Variants in CTNNA2 observed in about 807,000 individuals in gnomAD.
The protein encoded by CTNNA2 is catenin alpha-2.
CTNNA2 carries 42 observed loss-of-function variants against 101.0 expected under a neutral mutation model. That is an observed-to-expected ratio of 0.42 (90% CI 0.32 to 0.54). The LOEUF is 0.54. Ranked by LOEUF, CTNNA2 falls within the 20% of genes least tolerant of loss-of-function variation. The probability of loss-of-function intolerance (pLI) is 0.14; values close to 1 mark genes in which losing one functional copy is unlikely to be tolerated. For missense variants in CTNNA2, 871 were observed against 1,223.1 expected (o/e 0.71, Z 4.29); for synonymous variants, 450 against 456.4 (o/e 0.99, Z 0.18).
chr2:80,354,273 A>T (rs1409854160), intron 7 of CTNNA2, among the ~76,000 whole-genome samples: 1 of 152,186 alleles, frequency 6.6e-6, no homozygotes, highest in Admixed American at 6.6e-5. Flanking sequence ...AAGGAAGTGT[A>T]CATGTAGGAG....
chr2:79,928,412 C>A (rs555443647), intron 7 of CTNNA2, among the ~76,000 whole-genome samples: 2 of 152,218 alleles, frequency 1.3e-5, no homozygotes, highest in South Asian at 2.1e-4. Flanking sequence ...ACTGACTGTA[C>A]CTTCAAGGAA....
chr2:79,884,087 T>C (rs1474311789), intron 6 of CTNNA2, among the ~76,000 whole-genome samples: 2 of 152,222 alleles, frequency 1.3e-5, no homozygotes, highest in Non-Finnish European at 2.9e-5. Flanking sequence ...GCTATTCACC[T>C]TTTAAAAATG....
intron 6 of CTNNA2, among the ~76,000 whole-genome samples, chr2:79,880,721 G>C (rs1451754433): frequency 1.3e-5 from 2 of 151,118 alleles, no homozygotes; most frequent in Non-Finnish European, 3.0e-5. Context: ...CTTCTTTATT[G>C]GTCTAGTTAG....
intron 7 of CTNNA2, among the ~76,000 whole-genome samples, chr2:80,071,821 A>T (rs1014212036): frequency 6.6e-6 from 1 of 152,162 alleles, no homozygotes; most frequent in East Asian, 1.9e-4. Flanking sequence ...TTTGGTGGCA[A>T]AGGTGGTACC....
chr2:80,634,258 G>C (rs1672617749), intron 18 of CTNNA2, among the ~76,000 whole-genome samples: 1 of 152,134 alleles, frequency 6.6e-6, no homozygotes, highest in Non-Finnish European at 1.5e-5. Flanking sequence ...AAGGCATGAG[G>C]ATGGAAATGG....
intron 7 of CTNNA2, among the ~76,000 whole-genome samples, chr2:80,137,573 C>A (rs546799654): frequency 6.4e-4 from 98 of 152,034 alleles, no homozygotes; most frequent in African/African-American, 2.3e-3. Flanking sequence ...TTTGAGGTCC[C>A]GTTAACTAAT....
At chr2:79,541,620 A>G (rs536333490) in intron 1 of CTNNA2, among the ~76,000 whole-genome samples, 53 of 149,734 alleles carry the variant, frequency 3.5e-4, no homozygotes, top group African/African-American at 1.3e-3. Flanking sequence ...GCATTTCCCC[A>G]ATCTTCATAA....
chr2:80,147,815 C>T (rs1325023380), intron 7 of CTNNA2, among the ~76,000 whole-genome samples: 1 of 151,820 alleles, frequency 6.6e-6, no homozygotes, highest in East Asian at 1.9e-4. Flanking sequence ...TCATTTGTCA[C>T]ATGCAGTACT....
At position 80,506,186 on chromosome 2, in the gene CTNNA2, A is replaced by G. The variant is rs1688262762; in HGVS notation, c.1291-38796A>G. ...ACTAGTGGGCTGCATGACTACTTGA[A>G]TGACCAATGGAATCAGACAACTGTT... is the stretch of plus-strand genomic sequence containing the variant. On this transcript the variant is annotated intron_variant, in intron 9 of 18. Coordinates refer to ENST00000402739, the MANE Select transcript of CTNNA2 (RefSeq NM_001282597.3). Among the ~76,000 whole-genome samples, 3 of 152,196 alleles carry G rather than the reference A, an allele frequency of 2.0e-5. No homozygotes were observed. In the South Asian group the frequency reaches 6.2e-4, roughly 31 times the overall value.
intron 8 of CTNNA2, among the ~76,000 whole-genome samples, chr2:80,398,744 G>C (rs909667216): frequency 6.6e-6 from 1 of 150,716 alleles, no homozygotes; most frequent in Non-Finnish European, 1.5e-5. Context: ...GCACGTGCCT[G>C]TAATCCCAGC....
chr2:79,503,072 G>A (rs1168301846), intron 4 of CTNNA2, among the ~76,000 whole-genome samples: 1 of 152,100 alleles, frequency 6.6e-6, no homozygotes, highest in East Asian at 1.9e-4. Context: ...CTATTCCTTG[G>A]GGAGACCAGG....
chr2:79,413,161 C>T (rs1678436653), intron 4 of CTNNA2, among the ~76,000 whole-genome samples: 1 of 151,732 alleles, frequency 6.6e-6, no homozygotes, highest in African/African-American at 2.4e-5. Flanking sequence ...TTGTCATTTG[C>T]TTTTTTGCAG....
At chr2:79,977,672 A>G (rs1316580871) in intron 7 of CTNNA2, among the ~76,000 whole-genome samples, 1 of 152,092 alleles carries the variant, frequency 6.6e-6, no homozygotes, top group Non-Finnish European at 1.5e-5. Flanking sequence ...AAAAATGTAG[A>G]TTTTTCTCTG....
At chr2:79,916,375 A>G (rs1686203671) in intron 7 of CTNNA2, among the ~76,000 whole-genome samples, 3 of 151,834 alleles carry the variant, frequency 2.0e-5, no homozygotes, top group Admixed American at 6.6e-5. Flanking sequence ...TCTTACTTGT[A>G]TCTTTTCTTC....
intron 2 of CTNNA2, among the ~76,000 whole-genome samples, chr2:79,657,817 C>G (rs1462521677): frequency 6.6e-6 from 1 of 151,448 alleles, no homozygotes; most frequent in East Asian, 1.9e-4. Context: ...TTTAGTATAT[C>G]AATAGATTAT....
chr2:79,891,511 TGAA>T lies in CTNNA2; in HGVS notation c.852+17175_852+17177del, dbSNP rs1279479127. Among the ~76,000 whole-genome samples the T allele has an allele frequency of 6.6e-5, 10 of 152,334 alleles. No homozygotes were observed. The East Asian group carries it at 7.7e-4, about 12-fold the overall frequency. ...CTTTTACAAAGATCTGTCACAGATT[TGAA>T]GAAGATGACATTTGTAGAGATCTGA... On this transcript the variant is annotated intron_variant, in intron 6 of 18. Coordinates refer to ENST00000402739, the MANE Select transcript of CTNNA2 (RefSeq NM_001282597.3).
chr2:79,531,848 A>T (rs1672765443), intron 1 of CTNNA2, among the ~76,000 whole-genome samples: 2 of 151,694 alleles, frequency 1.3e-5, no homozygotes, highest in African/African-American at 4.8e-5. Context: ...TGCCCACCTA[A>T]TTTTTGTATT....
chr2:80,136,439 A>G (rs1702700572), intron 7 of CTNNA2, among the ~76,000 whole-genome samples: 3 of 152,154 alleles, frequency 2.0e-5, no homozygotes, highest in African/African-American at 7.2e-5. Flanking sequence ...TCTTCTATGA[A>G]TAGTCAATGT....
At chr2:80,588,433 C>T (rs1027930745) in intron 14 of CTNNA2, among the ~76,000 whole-genome samples, 3 of 152,252 alleles carry the variant, frequency 2.0e-5, no homozygotes, top group Middle Eastern at 3.4e-3. Flanking sequence ...GTGCATGTCA[C>T]GCAACTCAAT....
Sources: allele counts gnomAD v4.1 joint callset (sites outside exome capture counted in the v4.1 genomes callset), GRCh38; gene constraint gnomAD v4.1.1; transcripts MANE v1.5; gene names NCBI Gene and HGNC (gene_info 2026-07-23, HGNC 2026-07-21).